Variants in SCFD2 observed in about 807,000 individuals in gnomAD.
The protein encoded by SCFD2 is sec1 family domain containing 2.
Under a neutral mutation model 58.9 loss-of-function variants are expected in SCFD2, and 54 were observed. The ratio of observed to expected loss-of-function variants is 0.92; its 90% confidence interval spans 0.74 to 1.15. SCFD2 has a LOEUF of 1.15. Among genes scored for constraint, SCFD2 ranks in the 50% most tolerant of loss-of-function variants. The pLI is 0.00. For synonymous variants in SCFD2, 321 were observed against 335.9 expected (o/e 0.96, Z 0.49); for missense variants, 805 against 836.6 (o/e 0.96, Z 0.47).
At chr4:53,003,980 T>C (rs1272155766) in intron 5 of SCFD2, among the ~76,000 whole-genome samples, 2 of 152,178 alleles carry the variant, frequency 1.3e-5, no homozygotes, top group Non-Finnish European at 2.9e-5. Context: ...TTTTAGGAAA[T>C]AAACAGTTTG....
intron 4 of SCFD2, among the ~76,000 whole-genome samples, chr4:53,237,123 A>G (rs924508607): frequency 6.7e-6 from 1 of 149,936 alleles, no homozygotes; most frequent in Non-Finnish European, 1.5e-5. Context: ...CTGAGTGGAC[A>G]CAGCACATGT....
In SCFD2 at chr4:52,976,635, G is replaced by A. The variant is rs574766459; in HGVS notation, c.1562-55765C>T. On this transcript the variant is annotated intron_variant, in intron 5 of 8. Coordinates refer to ENST00000401642, the MANE Select transcript of SCFD2 (RefSeq NM_152540.4). Reference sequence around the variant, plus strand: ...CAGCCGACCCTGACACTGAAGGAGCGGATGTTCCCAGTGACCCAAACACCT... The same window carrying A: ...CAGCCGACCCTGACACTGAAGGAGCAGATGTTCCCAGTGACCCAAACACCT... Among the ~76,000 whole-genome samples the A allele has an allele frequency of 9.9e-5, 15 of 152,252 alleles. No individual in the cohort carries two copies. In the East Asian group the frequency reaches 1.5e-3, roughly 16 times the overall value.
At chr4:52,958,746 C>T (rs1720770148) in intron 5 of SCFD2, among the ~76,000 whole-genome samples, 1 of 152,164 alleles carries the variant, frequency 6.6e-6, no homozygotes, top group Non-Finnish European at 1.5e-5. Flanking sequence ...CTCTGTACAC[C>T]TCTCCTGTTC....
chr4:53,261,541 T>C (rs1455399825), intron 4 of SCFD2, among the ~76,000 whole-genome samples: 1 of 152,214 alleles, frequency 6.6e-6, no homozygotes, highest in Non-Finnish European at 1.5e-5. Flanking sequence ...TGAGGGTTCC[T>C]TTTGGAGTTG....
chr4:53,026,413 G>A (rs761527497), intron 5 of SCFD2, among the ~76,000 whole-genome samples: 1 of 152,178 alleles, frequency 6.6e-6, no homozygotes, highest in Non-Finnish European at 1.5e-5. Flanking sequence ...ATAGGTATTT[G>A]TTGGCTAAAC....
At position 53,240,561 on chromosome 4, in the gene SCFD2, A is replaced by G. The variant is rs371613151; in HGVS notation, c.1311+33265T>C. On this transcript the variant is annotated intron_variant, in intron 4 of 8. Coordinates refer to ENST00000401642, the MANE Select transcript of SCFD2 (RefSeq NM_152540.4). ...TGCATACAACTATTAAATACAAATG[A>G]CCAAAGGGGCAACTAATACTTTCCC... is the stretch of plus-strand genomic sequence containing the variant. Among the ~76,000 whole-genome samples the G allele has an allele frequency of 1.5e-3, 226 of 152,344 alleles. 4 individuals carry two copies. The South Asian group carries it at 0.046, about 31-fold the overall frequency.
intron 2 of SCFD2, among the ~76,000 whole-genome samples, chr4:53,319,500 T>C (rs1179606030): frequency 2.0e-5 from 3 of 152,016 alleles, no homozygotes; most frequent in Admixed American, 2.0e-4. Context: ...CAACATGTCC[T>C]TGGGAAAGAA....
intron 5 of SCFD2, among the ~76,000 whole-genome samples, chr4:52,925,355 CATAT>C (rs35698588): frequency 1.5e-4 from 21 of 142,914 alleles, no homozygotes; most frequent in African/African-American, 4.2e-4. Flanking sequence ...TATATATATA[CATAT>C]ATATATATAT....
At chr4:53,278,841 G>A (rs997839457) in intron 3 of SCFD2, among the ~76,000 whole-genome samples, 1 of 148,740 alleles carries the variant, frequency 6.7e-6, no homozygotes, top group Non-Finnish European at 1.5e-5. Flanking sequence ...TCCCTAAGAG[G>A]CTAACTGGAA....
intron 7 of SCFD2, among the ~76,000 whole-genome samples, chr4:52,894,745 G>C (rs1317228732): frequency 6.6e-6 from 1 of 152,158 alleles, no homozygotes; most frequent in African/African-American, 2.4e-5. Context: ...CTCTGGTTGA[G>C]AAGTACATCA....
At chr4:53,062,410 A>T (rs944125167) in intron 5 of SCFD2, among the ~76,000 whole-genome samples, 1 of 151,724 alleles carries the variant, frequency 6.6e-6, no homozygotes, top group Admixed American at 6.6e-5. Context: ...TAATAATAAT[A>T]ATAATAGTCT....
chr4:53,146,890 G>A (rs1726347312), intron 4 of SCFD2, among the ~76,000 whole-genome samples: 1 of 152,170 alleles, frequency 6.6e-6, no homozygotes, highest in Non-Finnish European at 1.5e-5. Flanking sequence ...AAAAAACACA[G>A]TATATACAGG....
intron 7 of SCFD2, among the ~76,000 whole-genome samples, chr4:52,897,018 CTT>C (rs1719034644): frequency 1.3e-5 from 2 of 152,222 alleles, no homozygotes. Context: ...TATCCTGAGA[CTT>C]TGCTGAAGTT....
intron 2 of SCFD2, among the ~76,000 whole-genome samples, chr4:53,327,802 T>C (rs1457467478): frequency 2.0e-5 from 3 of 152,140 alleles, no homozygotes; most frequent in Non-Finnish European, 4.4e-5. Flanking sequence ...TGGCTTAGAA[T>C]TGGAAGTATT....
At chr4:53,296,461 T>A (rs1414391977) in intron 3 of SCFD2, among the ~76,000 whole-genome samples, 1 of 152,234 alleles carries the variant, frequency 6.6e-6, no homozygotes, top group Non-Finnish European at 1.5e-5. Context: ...GTAGATTGTA[T>A]GTCTGTGGGA....
chr4:53,219,258 G>T (rs1452551883), intron 4 of SCFD2, among the ~76,000 whole-genome samples: 2 of 152,178 alleles, frequency 1.3e-5, no homozygotes, highest in East Asian at 3.9e-4. Context: ...AGGCAGGCAG[G>T]CCTCCTTGAG....
At chr4:53,337,112 C>T (rs1374161433) in intron 2 of SCFD2, among the ~76,000 whole-genome samples, 2 of 152,172 alleles carry the variant, frequency 1.3e-5, no homozygotes, top group African/African-American at 2.4e-5. Flanking sequence ...TTTATTTTCT[C>T]ACAGTTCTGG....
At chr4:53,066,993 T>C (rs1156452760) in intron 5 of SCFD2, among the ~76,000 whole-genome samples, 2 of 152,090 alleles carry the variant, frequency 1.3e-5, no homozygotes, top group African/African-American at 4.8e-5. Flanking sequence ...GAGCTGGGCA[T>C]GCACTTATGC....
intron 5 of SCFD2, among the ~76,000 whole-genome samples, chr4:52,972,948 A>G (rs1721145588): frequency 6.6e-6 from 1 of 152,214 alleles, no homozygotes; most frequent in Non-Finnish European, 1.5e-5. Flanking sequence ...AGGCAGAAAT[A>G]AAGATGTTCT....
Sources: gnomAD v4.1 joint callset for allele counts (sites outside exome capture counted in the v4.1 genomes callset) on GRCh38, gnomAD v4.1.1 for gene constraint, MANE v1.5 for transcripts, NCBI Gene and HGNC (gene_info 2026-07-23, HGNC 2026-07-21) for gene names.